The following CTNNBL1 variants were observed in gnomAD, a reference collection of about 807,000 sequenced individuals.
The protein encoded by CTNNBL1 is catenin beta like 1.
A neutral mutation model predicts 72.7 loss-of-function variants in CTNNBL1; 31 were observed. The ratio of observed to expected loss-of-function variants is 0.43; its 90% CI spans 0.32 to 0.58. The LOEUF is 0.58. Among genes scored for constraint, CTNNBL1 ranks in the 20% least tolerant of loss-of-function variants. The pLI, the probability that CTNNBL1 is intolerant of heterozygous loss-of-function variation, is 0.08. For synonymous variants in CTNNBL1, 240 were observed against 267.3 expected, an observed-to-expected ratio of 0.90 and a Z score of 1.00; for missense variants, 534 against 725.1, an observed-to-expected ratio of 0.74 and a Z score of 3.03.
chr20:37,737,604 A>G (rs1282632484), intron 3 of CTNNBL1, 120 bp downstream of exon 3: 5 of 634,700 alleles, frequency 7.9e-6, no homozygotes, highest in African/African-American at 5.5e-5. Context: ...GATGACCCCC[A>G]TGTTTGGGAA....
intron 10 of CTNNBL1, among the ~76,000 whole-genome samples, chr20:37,794,635 G>C (rs1455231126): frequency 6.6e-6 from 1 of 151,986 alleles, no homozygotes; most frequent in Non-Finnish European, 1.5e-5. Context: ...TGGGATTACA[G>C]GTACCCACCA....
intron 11 of CTNNBL1, among the ~76,000 whole-genome samples, chr20:37,805,642 C>T (rs572660555): frequency 6.6e-6 from 1 of 152,152 alleles, no homozygotes; most frequent in East Asian, 1.9e-4. Flanking sequence ...AGTGATCCGC[C>T]CACCTTGGCC....
At chr20:37,722,753 A>C (rs2073051981) in intron 1 of CTNNBL1, among the ~76,000 whole-genome samples, 2 of 152,086 alleles carry the variant, frequency 1.3e-5, no homozygotes, top group African/African-American at 4.8e-5. Context: ...CTCTTAAGTG[A>C]TTTACCACTA....
intron 11 of CTNNBL1, among the ~76,000 whole-genome samples, chr20:37,817,937 A>G (rs1396666983): frequency 6.6e-6 from 1 of 152,194 alleles, no homozygotes; most frequent in African/African-American, 2.4e-5. Context: ...ATCTATTCCT[A>G]GCATGTCTTA....
intron 11 of CTNNBL1, among the ~76,000 whole-genome samples, chr20:37,818,756 G>C (rs186638951): frequency 6.6e-6 from 1 of 152,280 alleles, no homozygotes; most frequent in East Asian, 1.9e-4. Context: ...CAGAGAAAAT[G>C]AATGTGAATA....
At chr20:37,796,559 A>G (rs754746302) in intron 10 of CTNNBL1, among the ~76,000 whole-genome samples, 9 of 151,044 alleles carry the variant, frequency 6.0e-5, no homozygotes, top group African/African-American at 9.8e-5. Context: ...TTTAAGCTAC[A>G]TTTTCTTATT....
intron 13 of CTNNBL1, among the ~76,000 whole-genome samples, chr20:37,843,499 T>G (rs1382090154): frequency 6.6e-6 from 1 of 152,178 alleles, no homozygotes; most frequent in Non-Finnish European, 1.5e-5. Context: ...ACAGTGACCT[T>G]GTTATCTGTC....
intron 1 of CTNNBL1, among the ~76,000 whole-genome samples, chr20:37,727,877 C>T (rs943961651): frequency 6.6e-6 from 1 of 152,150 alleles, no homozygotes; most frequent in African/African-American, 2.4e-5. Flanking sequence ...TCCCTGCTTA[C>T]AATTCTTGTT....
At chr20:37,761,256 T>C (rs1446578116) in intron 5 of CTNNBL1, among the ~76,000 whole-genome samples, 1 of 152,188 alleles carries the variant, frequency 6.6e-6, no homozygotes, top group Non-Finnish European at 1.5e-5. Flanking sequence ...GCATTTGCTT[T>C]ATAGAAACGC....
intron 1 of CTNNBL1, among the ~76,000 whole-genome samples, chr20:37,711,910 C>T (rs1480473160): frequency 6.6e-6 from 1 of 152,102 alleles, no homozygotes; most frequent in Non-Finnish European, 1.5e-5. Context: ...AGAATCCTAA[C>T]ATTTTTTAAC....
chr20:37,859,772 A>T (rs2072474384), intron 13 of CTNNBL1, 127 bp from the exon 14 acceptor site: 1 of 871,644 alleles, frequency 1.1e-6, no homozygotes, highest in Non-Finnish European at 1.7e-6. Context: ...AATCAAAAAG[A>T]TGAGGTGATT....
At chr20:37,865,513 C>G (rs4811242) in intron 15 of CTNNBL1, among the ~76,000 whole-genome samples, 114,050 of 152,016 alleles carry the variant, frequency 0.75, 42,947 homozygotes, top group East Asian at 0.85. Context: ...GTTCCTCCCT[C>G]CCCCCAGCCC....
chr20:37,739,850 C>T (rs2073199913), intron 3 of CTNNBL1, among the ~76,000 whole-genome samples: 3 of 152,186 alleles, frequency 2.0e-5, no homozygotes, highest in African/African-American at 7.2e-5. Context: ...TAGTCCCTGT[C>T]GTCTTTATTA....
At chr20:37,778,434 A>G (rs1324351141) in intron 9 of CTNNBL1, among the ~76,000 whole-genome samples, 2 of 152,160 alleles carry the variant, frequency 1.3e-5, no homozygotes, top group East Asian at 3.8e-4. Context: ...CCTCCACCCC[A>G]AAAATAGAGC....
intron 13 of CTNNBL1, among the ~76,000 whole-genome samples, chr20:37,845,534 G>A (rs1051538588): frequency 1.3e-5 from 2 of 152,176 alleles, no homozygotes; most frequent in South Asian, 2.1e-4. Context: ...TCAGTGTTAC[G>A]CAGAGAGCCA....
At chr20:37,714,498 G>C (rs2072969165) in intron 1 of CTNNBL1, among the ~76,000 whole-genome samples, 1 of 152,200 alleles carries the variant, frequency 6.6e-6, no homozygotes, top group Admixed American at 6.5e-5. Context: ...AGTGAATCTT[G>C]CTTTAAGTAA....
At chr20:37,826,373 A>G (rs1022646747) in intron 11 of CTNNBL1, among the ~76,000 whole-genome samples, 6 of 152,252 alleles carry the variant, frequency 3.9e-5, no homozygotes, top group African/African-American at 1.4e-4. Flanking sequence ...AACAGCTATC[A>G]TGTTGCTTTG....
At chr20:37,839,439 C>A (rs1042832189) in intron 11 of CTNNBL1, among the ~76,000 whole-genome samples, 8 of 152,236 alleles carry the variant, frequency 5.3e-5, no homozygotes, top group African/African-American at 1.9e-4. Flanking sequence ...AAAAGAATCT[C>A]TTTCACCTGA....
At chr20:37,860,920 T>C (rs2072486094) in intron 15 of CTNNBL1, among the ~76,000 whole-genome samples, 1 of 152,228 alleles carries the variant, frequency 6.6e-6, no homozygotes, top group Non-Finnish European at 1.5e-5. Flanking sequence ...GTTGTGTAGT[T>C]ATCATAGGTG....
Sources: gnomAD v4.1 joint callset for allele counts (sites outside exome capture counted in the v4.1 genomes callset) on GRCh38, gnomAD v4.1.1 for gene constraint, MANE v1.5 for transcripts, NCBI Gene and HGNC (gene_info 2026-07-23, HGNC 2026-07-21) for gene names.